The following TTLL5 variants were observed in gnomAD, a reference collection of about 807,000 sequenced individuals.
TTLL5 encodes the protein tubulin polyglutamylase TTLL5.
Under a neutral mutation model 168.4 loss-of-function variants are expected in TTLL5, and 132 were observed. That is an observed-to-expected ratio of 0.78 (90% CI 0.68 to 0.91). The LOEUF (loss-of-function observed/expected upper bound fraction) is 0.91. Ranked by LOEUF, TTLL5 falls within the 40% of genes least tolerant of loss-of-function variation. The pLI, the probability that TTLL5 is intolerant of heterozygous loss-of-function variation, is 0.00. For missense variants in TTLL5, 1,545 were observed against 1,581.5 expected (o/e 0.98, Z 0.39); for synonymous variants, 546 against 558.6 (o/e 0.98, Z 0.32).
chr14:75,885,250 G>C (rs941427615), intron 30 of TTLL5, among the ~76,000 whole-genome samples: 1 of 151,882 alleles, frequency 6.6e-6, no homozygotes, highest in African/African-American at 2.4e-5. Context: ...CAGCACTTTG[G>C]GAAGCCGAGG....
chr14:75,852,259 C>T (rs1896898192), intron 28 of TTLL5, among the ~76,000 whole-genome samples: 1 of 152,222 alleles, frequency 6.6e-6, no homozygotes, highest in Admixed American at 6.5e-5. Context: ...CCTGAATTCT[C>T]ACTATCTCAG....
At chr14:75,824,042 T>G (rs1009654636) in intron 28 of TTLL5, among the ~76,000 whole-genome samples, 3 of 152,216 alleles carry the variant, frequency 2.0e-5, no homozygotes, top group African/African-American at 7.2e-5. Flanking sequence ...GTCTCTAACT[T>G]CTCATCTTTT....
At chr14:75,896,288 A>G (rs1345761695) in intron 30 of TTLL5, among the ~76,000 whole-genome samples, 3 of 152,178 alleles carry the variant, frequency 2.0e-5, no homozygotes, top group African/African-American at 7.2e-5. Context: ...AATGTTTGGT[A>G]GGAAAAGTCA....
At chr14:75,841,447 A>T (rs564841277) in intron 28 of TTLL5, among the ~76,000 whole-genome samples, 1 of 152,284 alleles carries the variant, frequency 6.6e-6, no homozygotes, top group Admixed American at 6.5e-5. Context: ...CATTACCATG[A>T]CTGTGACTGG....
chr14:75,817,613 C>T (rs577871229), intron 27 of TTLL5, among the ~76,000 whole-genome samples: 1 of 152,170 alleles, frequency 6.6e-6, no homozygotes, highest in East Asian at 1.9e-4. Context: ...ATAATTCTCT[C>T]ATTTGTAGTT....
At chr14:75,746,839 T>G (rs1889647015) in intron 17 of TTLL5, among the ~76,000 whole-genome samples, 1 of 152,132 alleles carries the variant, frequency 6.6e-6, no homozygotes, top group Admixed American at 6.6e-5. Context: ...GCTGAGATTA[T>G]AGGCGTGAGA....
intron 21 of TTLL5, 21 bp from the exon 22 acceptor site, chr14:75,775,463 C>T: frequency 6.2e-7 from 1 of 1,601,952 alleles, no homozygotes; most frequent in African/African-American, 1.4e-5. Flanking sequence ...TTTTTTTCTC[C>T]CACGACTCTT....
intron 4 of TTLL5, among the ~76,000 whole-genome samples, chr14:75,681,853 G>A (rs969853716): frequency 3.9e-5 from 6 of 152,058 alleles, no homozygotes; most frequent in African/African-American, 9.6e-5. Flanking sequence ...TTCTTGCTAC[G>A]TTCTTGGGCT....
chr14:75,922,040 G>A (rs1373506880), intron 31 of TTLL5, among the ~76,000 whole-genome samples: 1 of 152,010 alleles, frequency 6.6e-6, no homozygotes, highest in Admixed American at 6.6e-5. Context: ...TTGTTTGTTT[G>A]TTACTGGTGT....
chr14:75,817,830 CTTTTTTTTTT>C (rs1045988787), intron 27 of TTLL5, among the ~76,000 whole-genome samples: 7 of 83,862 alleles, frequency 8.3e-5, no homozygotes, highest in East Asian at 3.4e-4. Context: ...CTTTTCTTTT[CTTTTTTTTTT>C]TTTTTTTTTT....
Position 75,745,578 on chromosome 14 carries a change from A to G in TTLL5, c.1484A>G (p.Tyr495Cys). Residue 495 changes from tyrosine to cysteine, a missense_variant, in exon 17 of 32, where the codon TAT becomes TGT. By Grantham distance (194) the Tyr-to-Cys change is radical (BLOSUM62 -2). Coordinates refer to ENST00000298832, the MANE Select transcript of TTLL5 (RefSeq NM_015072.5). ...CCTACATCTGAGACATGGGAAATAT[A>G]TGGGTGAGGTGACTACCTTTTTTTT... ...IFPTSETWEI[Y>C]GSYLEHKTSM... 6.2e-7 allele frequency: 1 copy of G among 1,613,168 alleles called. No homozygotes were observed.
intron 27 of TTLL5, among the ~76,000 whole-genome samples, chr14:75,807,119 T>G (rs1278940635): frequency 6.6e-6 from 1 of 152,190 alleles, no homozygotes; most frequent in Non-Finnish European, 1.5e-5. Flanking sequence ...AAAGAATTTC[T>G]TTTTTACATT....
At chr14:75,672,599 T>A (rs530542484) in intron 3 of TTLL5, among the ~76,000 whole-genome samples, 22 of 152,320 alleles carry the variant, frequency 1.4e-4, no homozygotes, top group Non-Finnish European at 2.8e-4. Context: ...GATATTGATT[T>A]ATAGTTTTCT....
intron 28 of TTLL5, among the ~76,000 whole-genome samples, chr14:75,828,813 T>C (rs918914818): frequency 3.9e-5 from 6 of 152,236 alleles, no homozygotes; most frequent in African/African-American, 1.4e-4. Flanking sequence ...TCAACAAATA[T>C]TTAGTAAATT....
At chr14:75,738,001 A>G (rs1004336499) in intron 15 of TTLL5, among the ~76,000 whole-genome samples, 5 of 152,138 alleles carry the variant, frequency 3.3e-5, no homozygotes, top group African/African-American at 7.2e-5. Context: ...TTAATATTGG[A>G]AATGTTTTCA....
At chr14:75,949,375 G>A (rs2034879858) in intron 31 of TTLL5, among the ~76,000 whole-genome samples, 1 of 142,402 alleles carries the variant, frequency 7.0e-6, no homozygotes. Context: ...CTTTATATAA[G>A]GTTATATATA....
intron 29 of TTLL5, among the ~76,000 whole-genome samples, chr14:75,878,291 T>G (rs935038771): frequency 2.0e-5 from 3 of 152,210 alleles, no homozygotes; most frequent in African/African-American, 7.2e-5. Context: ...TCCCACATAG[T>G]TAGAAATCTA....
At chr14:75,760,026 G>T (rs978896821) in intron 18 of TTLL5, among the ~76,000 whole-genome samples, 2 of 151,966 alleles carry the variant, frequency 1.3e-5, no homozygotes, top group African/African-American at 4.8e-5. Context: ...AGTGAAAAAA[G>T]AAATGCACAC....
intron 28 of TTLL5, among the ~76,000 whole-genome samples, chr14:75,834,476 C>T (rs1364455005): frequency 1.3e-5 from 2 of 152,214 alleles, no homozygotes; most frequent in Non-Finnish European, 1.5e-5. Flanking sequence ...CATGTTTTCA[C>T]TGTCTTTCCC....
Sources: allele counts gnomAD v4.1 joint callset (sites outside exome capture counted in the v4.1 genomes callset), GRCh38; gene constraint gnomAD v4.1.1; transcripts MANE v1.5; gene names NCBI Gene and HGNC (gene_info 2026-07-23, HGNC 2026-07-21).